The following WIPI1 variants were observed in gnomAD, a reference collection of about 807,000 sequenced individuals.
WIPI1 encodes WD repeat domain phosphoinositide-interacting protein 1.
Under a neutral mutation model 55.3 loss-of-function variants are expected in WIPI1, and 45 were observed. The observed-to-expected ratio is 0.81, with a 90% confidence interval of 0.64 to 1.04. The LOEUF (loss-of-function observed/expected upper bound fraction) is 1.04, where lower values mean the gene tolerates loss of function less well. WIPI1 is among the 50% of genes least tolerant of loss of function. The pLI is 0.00. For missense variants in WIPI1, 445 were observed against 559.0 expected (o/e 0.80, Z 2.06); for synonymous variants, 195 against 217.6 (o/e 0.90, Z 0.92).
Position 68,424,896 on chromosome 17 carries a change from T to A in WIPI1, c.1293+1179A>T, listed in dbSNP as rs571010507. Among the ~76,000 whole-genome samples, 8 of 152,184 alleles carry A rather than the reference T, an allele frequency of 5.3e-5. No individual in the cohort carries two copies. The South Asian group carries it at 1.0e-3, about 20-fold the overall frequency. On this transcript the variant is annotated intron_variant, in intron 12 of 12. Transcript: ENST00000262139. The stretch of plus-strand genomic sequence containing the variant: ...CGTCTCAAAAACAAAACAAAACAAA[T>A]CAGTACTTCCATCTCGAAATGATTT...
intron 4 of WIPI1, among the ~76,000 whole-genome samples, chr17:68,442,648 G>A (rs965379198): frequency 1.3e-5 from 2 of 152,046 alleles, no homozygotes; most frequent in Non-Finnish European, 2.9e-5. Context: ...CTGCATGCCC[G>A]ATGTCCCTCC....
intron 10 of WIPI1, chr17:68,427,663 G>A (rs956623407): frequency 6.1e-6 from 1 of 164,078 alleles, no homozygotes; most frequent in African/African-American, 2.4e-5. Flanking sequence ...AGGATGAGCT[G>A]AAGTGACCTG....
intron 7 of WIPI1, among the ~76,000 whole-genome samples, 185 bp from the exon 8 acceptor site, chr17:68,433,760 G>GTTTTGTTTTTTT: frequency 1.4e-5 from 1 of 72,822 alleles, no homozygotes; most frequent in African/African-American, 6.5e-5. Flanking sequence ...AAGGGTCATA[G>GTTTTGTTTTTTT]TTTTTTTTTT....
chr17:68,455,979 A>G (rs948615310), intron 1 of WIPI1, among the ~76,000 whole-genome samples: 4 of 152,326 alleles, frequency 2.6e-5, no homozygotes, highest in African/African-American at 9.6e-5. Context: ...CTATACCAGC[A>G]TTTTTATAAA....
chr17:68,433,692 C>T, intron 7 of WIPI1, 117 bp from the exon 8 acceptor site: 1 of 667,148 alleles, frequency 1.5e-6, no homozygotes, highest in Non-Finnish European at 2.6e-6. Flanking sequence ...TAGGTAGACC[C>T]AGATCCCTTA....
intron 3 of WIPI1, among the ~76,000 whole-genome samples, chr17:68,445,377 C>T (rs943558790): frequency 4.6e-5 from 7 of 152,210 alleles, no homozygotes; most frequent in African/African-American, 1.7e-4. Context: ...TTCTCTCCAT[C>T]ACCAAATCTT....
chr17:68,435,193 C>G (rs2083724579), intron 6 of WIPI1, among the ~76,000 whole-genome samples: 1 of 139,978 alleles, frequency 7.1e-6, no homozygotes, highest in Non-Finnish European at 1.5e-5. Flanking sequence ...GGCGACAGAG[C>G]TAGACTCCAC....
intron 3 of WIPI1, 28 bp downstream of exon 3, chr17:68,450,700 T>C (rs1403910451): frequency 6.3e-7 from 1 of 1,585,232 alleles, no homozygotes; most frequent in Non-Finnish European, 8.6e-7. Flanking sequence ...GCAGAAGCTT[T>C]GAAACCCTGA....
Position 68,450,843 on chromosome 17 carries a change from A to C in WIPI1, c.218T>G (p.Val73Gly). Residue 73 changes from valine to glycine, a missense_variant, in exon 3 of 13, where the codon GTG (valine) becomes GGG (glycine). Val to Gly is a moderately radical substitution (Grantham distance 109). Transcript: ENST00000262139. The part of the protein sequence containing the change: ...VERLFSSSLV[V>G]VVSHTKPRQM... ...CCGTGGTTTTGTGTGACTGACTACCACCACCAGGCTGCTGGAGAAGAGGCG... is the reference window on the plus strand; with the variant it reads ...CCGTGGTTTTGTGTGACTGACTACCCCCACCAGGCTGCTGGAGAAGAGGCG... 1 of 1,614,134 alleles carries C rather than the reference A, an allele frequency of 6.2e-7. No individual in the cohort carries two copies. The highest frequency in any genetic ancestry group is 8.5e-7 in the Non-Finnish European group (1 of 1,180,018).
chr17:68,444,444 C>A, intron 4 of WIPI1, 49 bp downstream of exon 4: 2 of 1,535,704 alleles, frequency 1.3e-6, no homozygotes, highest in Non-Finnish European at 1.8e-6. Context: ...GGGAAAGAAG[C>A]ACCAGGACAT....
chr17:68,444,971 A>C (rs2084226391), intron 3 of WIPI1, among the ~76,000 whole-genome samples: 1 of 125,284 alleles, frequency 8.0e-6, no homozygotes, highest in Non-Finnish European at 1.6e-5. Context: ...CCCAGACTGG[A>C]GTGCAGTGGC....
rs193092368 is a variant in WIPI1 at position 68,453,070 on chromosome 17, C to A, written c.81-78G>T. 5.8e-6 allele frequency: 7 copies of A among 1,205,554 alleles called. No homozygotes were observed. In the Admixed American group the frequency reaches 1.0e-4, roughly 18 times the overall value. The allele number at this position is 1,205,554 out of a possible 1,614,324, so 74.7% of individuals were successfully genotyped here. A position where few individuals can be genotyped will look rare whatever the true frequency, so the allele number is the denominator to read the frequency against. On this transcript the variant is annotated intron_variant, in intron 1 of 12. Coordinates refer to ENST00000262139, the MANE Select transcript of WIPI1 (RefSeq NM_017983.7). ...TCTGTCTGCAAATAGATGCCTTTTG[C>A]CCCCTAGCCTCAGGGGTACAGTAAA...
chr17:68,436,509 C>T (rs373869769), intron 4 of WIPI1, 30 bp from the exon 5 acceptor site: 1 of 1,603,598 alleles, frequency 6.2e-7, no homozygotes, highest in African/African-American at 1.3e-5. Context: ...ACATGAGAAG[C>T]CTGGGGCCAA....
chr17:68,430,106 A>G lies in WIPI1; in HGVS notation c.855T>C (p.Ala285=), dbSNP rs767336601. Residue 285 remains alanine, a synonymous_variant, in exon 9 of 13, where the codon GCT becomes GCC. Coordinates refer to ENST00000262139, the MANE Select transcript of WIPI1 (RefSeq NM_017983.7). ...CCTGGGTAGGGAGGTAGTTGGTAGC[A>G]GCCATAAACATCTTTCCCATGTAGC... ...WSGYMGKMFM[A]ATNYLPTQVS... 1 of 1,614,182 alleles carries G rather than the reference A, an allele frequency of 6.2e-7. No homozygotes were observed. The highest frequency in any genetic ancestry group is 8.5e-7 in the Non-Finnish European group (1 of 1,180,036).
chr17:68,433,760 G>GTTTTTTTTTTTTTTTT (rs556777098), intron 7 of WIPI1, among the ~76,000 whole-genome samples, 185 bp from the exon 8 acceptor site: 4 of 72,822 alleles, frequency 5.5e-5, no homozygotes, highest in African/African-American at 2.0e-4. Flanking sequence ...AAGGGTCATA[G>GTTTTTTTTTTTTTTTT]TTTTTTTTTT....
chr17:68,421,570 A>C lies in WIPI1; in HGVS notation c.*203T>G. On this transcript the variant is annotated 3_prime_UTR_variant, in exon 13 of 13. Transcript: ENST00000262139. Reference sequence around the variant, plus strand: ...ATTTTAAATAGCATGATGTGTATACAATGTCTCCCGCGCCCATTGGCAACC... The same window carrying C: ...ATTTTAAATAGCATGATGTGTATACCATGTCTCCCGCGCCCATTGGCAACC... The C allele has an allele frequency of 1.6e-6, 1 of 631,314 alleles. No homozygotes were observed. Among genetic ancestry groups the C allele is most frequent in the Non-Finnish European group, 2.8e-6 (1 of 351,538 alleles). The allele number at this position is 631,314 out of a possible 1,614,324, so 39.1% of individuals were successfully genotyped here.
At chr17:68,434,332 A>C (rs1019382737) in intron 7 of WIPI1, among the ~76,000 whole-genome samples, 1 of 152,154 alleles carries the variant, frequency 6.6e-6, no homozygotes, top group Non-Finnish European at 1.5e-5. Context: ...CACACATCAA[A>C]AAGGGACTCT....
chr17:68,457,234 C>A, intron 1 of WIPI1, 108 bp downstream of exon 1: 1 of 1,360,588 alleles, frequency 7.3e-7, no homozygotes, highest in East Asian at 3.0e-5. Flanking sequence ...CCGGCCCTCC[C>A]GCCGAGGCCG....
chr17:68,425,511 G>A lies in WIPI1; in HGVS notation c.1293+564C>T, dbSNP rs376820441. On this transcript the variant is annotated intron_variant, in intron 12 of 12. Transcript: ENST00000262139. ...GCTGGGATTACAGGTGTGAGCCACC[G>A]CACCCGGCCACTTGTTTCTTAATGA... Among the ~76,000 whole-genome samples the A allele has an allele frequency of 6.6e-5, 10 of 150,922 alleles. No homozygotes were observed. In the East Asian group the frequency reaches 1.4e-3, roughly 21 times the overall value.
Sources: allele counts gnomAD v4.1 joint callset (sites outside exome capture counted in the v4.1 genomes callset), GRCh38; gene constraint gnomAD v4.1.1; transcripts MANE v1.5; gene names NCBI Gene and HGNC (gene_info 2026-07-23, HGNC 2026-07-21).